DHDH: variants seen among roughly 807,000 people sequenced by gnomAD.
The protein encoded by DHDH is dihydrodiol dehydrogenase.
In DHDH, 29 loss-of-function variants were observed where a neutral mutation model predicts 33.2. The ratio of observed to expected loss-of-function variants is 0.87; its 90% CI spans 0.65 to 1.19. The LOEUF is 1.19. Among genes scored for constraint, DHDH ranks in the 50% most tolerant of loss-of-function variants. DHDH has a pLI of 0.00. For missense variants in DHDH, 431 were observed against 455.0 expected, an observed-to-expected ratio of 0.95 and a Z score of 0.48; for synonymous variants, 201 against 187.9, an observed-to-expected ratio of 1.07 and a Z score of -0.57.
chr19:48,944,903 T>TG lies in DHDH; in HGVS notation c.977dup (p.Val327SerfsTer?). 1 of 1,614,116 alleles carries TG rather than the reference T, an allele frequency of 6.2e-7. No individual in the cohort carries two copies. Among genetic ancestry groups the TG allele is most frequent in the South Asian group, 1.1e-5 (1 of 91,072 alleles). On this transcript the variant is annotated frameshift_variant, in exon 7 of 7. Transcript: ENST00000221403. LOFTEE classifies it high-confidence loss of function. Reference sequence around the variant, plus strand: ...TCCTTGAAGAGGTGAGGAAGGCCATTGGAGTCACCTTCCCCCAAGACAAAC... The same window carrying TG: ...TCCTTGAAGAGGTGAGGAAGGCCATTGGGAGTCACCTTCCCCCAAGACAAAC...
rs1197851420 is a variant in DHDH at position 48,944,405 on chromosome 19, C to T, written c.793C>T (p.His265Tyr). The T allele has an allele frequency of 5.0e-6, 8 of 1,614,040 alleles. No homozygotes were observed. Among genetic ancestry groups the T allele is most frequent in the South Asian group, 3.3e-5 (3 of 91,090 alleles). The change falls in exon 6 of 7, where the codon CAT (histidine) becomes TAT (tyrosine). Residue 265 changes from histidine (H) to tyrosine (Y), a missense_variant. Physicochemically the swap from His to Tyr is moderately conservative, Grantham distance 83. Transcript: ENST00000221403. ...CPTELVVKGE[H>Y]KEFPLPPVPK... ...GACCGAGCTGGTGGTGAAGGGGGAG[C>T]ATAAGGAGTTCCCGCTGCCCCCAGT... is the stretch of plus-strand genomic sequence containing the variant.
Position 48,933,766 on chromosome 19 carries a change from C to A in DHDH, c.45C>A (p.Ser15Arg), listed in dbSNP as rs764318339. 3 of 1,613,030 alleles carry A rather than the reference C, an allele frequency of 1.9e-6. No homozygotes were observed. The highest frequency in any genetic ancestry group is 2.5e-6 in the Non-Finnish European group (3 of 1,180,016). ...WGIVSVGLISSDFTAVLQTLP... is the reference protein window; with the variant it reads ...WGIVSVGLISRDFTAVLQTLP... ...TCGTGTCTGTCGGCCTCATCTCCAG[C>A]GACTTCACAGCCGTGCTGCAGACGC... Residue 15 changes from serine (S) to arginine (R), a missense_variant, in exon 1 of 7, where the codon AGC (serine) becomes AGA (arginine). Coordinates refer to ENST00000221403, the MANE Select transcript of DHDH (RefSeq NM_014475.4).
chr19:48,933,197 T>G (rs1484067659), upstream of DHDH, among the ~76,000 whole-genome samples: 1 of 151,984 alleles, frequency 6.6e-6, no homozygotes, highest in Non-Finnish European at 1.5e-5. Flanking sequence ...GGGGAGAAAT[T>G]AGGAACGAAG....
chr19:48,937,761 A>G (rs1328646125), intron 3 of DHDH, among the ~76,000 whole-genome samples: 4 of 150,906 alleles, frequency 2.7e-5, no homozygotes, highest in South Asian at 2.1e-4. Flanking sequence ...GCAGTGAGCT[A>G]AGATCCCGAC....
Position 48,935,056 on chromosome 19 carries a change from C to T in DHDH, c.147C>T (p.His49=). 6.3e-7 allele frequency: 1 copy of T among 1,594,000 alleles called. No individual in the cohort carries two copies. The highest frequency in any genetic ancestry group is 2.3e-5 in the East Asian group (1 of 44,018). The stretch of plus-strand genomic sequence containing the variant: ...GTGCGAAGGAGTTTGCACAGAAACA[C>T]GACATCCCCAAGGCCTACGGCTCCT... ...LSRAKEFAQK[H]DIPKAYGSYE... Residue 49 remains histidine, a synonymous_variant, in exon 2 of 7, where the codon CAC becomes CAT. Transcript: ENST00000221403.
At chr19:48,944,566 C>T (rs1352399696) in intron 6 of DHDH, 59 bp downstream of exon 6, 2 of 1,541,248 alleles carry the variant, frequency 1.3e-6, no homozygotes, top group Admixed American at 1.9e-5. Context: ...GGGCCCCTCC[C>T]CACCTGCTCT....
Position 48,944,938 on chromosome 19 carries a change from TC to T in DHDH, c.*9del, listed in dbSNP as rs2037921153. ...TTCCCCCAAGACAAACGCTGATGTA[TC>T]CCCGAATAAATAAAGACATCTTACA... On this transcript the variant is annotated 3_prime_UTR_variant, in exon 7 of 7. Transcript: ENST00000221403. The T allele has an allele frequency of 6.2e-7, 1 of 1,612,040 alleles. No homozygotes were observed. Among genetic ancestry groups the T allele is most frequent in the African/African-American group, 1.3e-5 (1 of 74,852 alleles).
intron 5 of DHDH, 75 bp downstream of exon 5, chr19:48,942,639 G>A (rs1033262443): frequency 4.5e-6 from 7 of 1,541,678 alleles, no homozygotes; most frequent in African/African-American, 2.7e-5. Context: ...TCTGGAGCTA[G>A]ATGAGAGCTT....
chr19:48,935,383 TG>T (rs1296235809), intron 2 of DHDH, among the ~76,000 whole-genome samples: 1 of 152,184 alleles, frequency 6.6e-6, no homozygotes, highest in Non-Finnish European at 1.5e-5. Context: ...TAGCCAGGTA[TG>T]GTGGCACGCA....
intron 4 of DHDH, among the ~76,000 whole-genome samples, chr19:48,941,765 C>G (rs1216949994): frequency 1.3e-5 from 2 of 151,594 alleles, no homozygotes; most frequent in Non-Finnish European, 2.9e-5. Flanking sequence ...CCTTGACCTC[C>G]CAGGCTCCAG....
intron 2 of DHDH, 44 bp downstream of exon 2, chr19:48,935,155 GC>G (rs1293472452): frequency 3.4e-6 from 5 of 1,472,800 alleles, no homozygotes; most frequent in Non-Finnish European, 4.5e-6. Flanking sequence ...CGCCCCTGGA[GC>G]GGTGCCCCCT....
intron 1 of DHDH, among the ~76,000 whole-genome samples, chr19:48,934,455 G>A (rs2037744166): frequency 6.6e-6 from 1 of 152,154 alleles, no homozygotes; most frequent in African/African-American, 2.4e-5. Context: ...TAAGAGGAAG[G>A]CTTCTGTCTC....
intron 4 of DHDH, among the ~76,000 whole-genome samples, chr19:48,942,170 A>G (rs1008552967): frequency 6.6e-6 from 1 of 151,820 alleles, no homozygotes; most frequent in Non-Finnish European, 1.5e-5. Flanking sequence ...ACGCCTGGCT[A>G]ATTTTTTGTA....
intron 4 of DHDH, among the ~76,000 whole-genome samples, chr19:48,940,894 C>A (rs1220604194): frequency 6.6e-6 from 1 of 151,724 alleles, no homozygotes; most frequent in Non-Finnish European, 1.5e-5. Flanking sequence ...ATTGCCCAGG[C>A]AGGTCTCGAA....
chr19:48,939,093 G>C (rs2037820209), intron 3 of DHDH, among the ~76,000 whole-genome samples: 1 of 152,052 alleles, frequency 6.6e-6, no homozygotes, highest in African/African-American at 2.4e-5. Flanking sequence ...GAGGGAGAGA[G>C]ACACAATTCA....
rs774108388 is a variant in DHDH, at chr19:48,936,210, G to A, written c.366+15G>A. On this transcript the variant is annotated intron_variant, in intron 3 of 6. Transcript: ENST00000221403. ...TCCTTATGGAGGTGAGGGCAGAGGA[G>A]CCCTTCCAATATCCAGCGTAAAAGT... 141 of 1,565,644 alleles carry A rather than the reference G, an allele frequency of 9.0e-5. No individual in the cohort carries two copies. Among genetic ancestry groups the A allele is most frequent in the Non-Finnish European group, 1.1e-4 (130 of 1,157,690 alleles).
rs550597743 is a variant in DHDH at position 48,937,949 on chromosome 19, C to A, written c.367-1500C>A. On this transcript the variant is annotated intron_variant, in intron 3 of 6. Transcript: ENST00000221403. ...AGCTTCCGTCTCCCCTGGAATGTCA[C>A]CTCCTCAGGGTGTCACCGTCCCGGC... Among the ~76,000 whole-genome samples the A allele has an allele frequency of 4.2e-4, 64 of 152,200 alleles. No homozygotes were observed. The East Asian group carries it at 0.012, about 28-fold the overall frequency.
chr19:48,935,745 A>T (rs1021063182), intron 2 of DHDH, among the ~76,000 whole-genome samples: 45 of 151,648 alleles, frequency 3.0e-4, no homozygotes, highest in African/African-American at 1.0e-3. Flanking sequence ...TGAACCTGGG[A>T]GGTGGAGCTT....
Position 48,944,521 on chromosome 19 carries a change from T to G in DHDH, c.895+14T>G. 6.3e-7 allele frequency: 1 copy of G among 1,582,562 alleles called. No individual in the cohort carries two copies. Among genetic ancestry groups the G allele is most frequent in the African/African-American group, 1.3e-5 (1 of 74,444 alleles). ...GCCTACGCAAGGGTAAGGATATGGA[T>G]GCGGGGCAGGCGCCAGGCCTGGTAG... is the stretch of plus-strand genomic sequence containing the variant. On this transcript the variant is annotated intron_variant, in intron 6 of 6. Coordinates refer to ENST00000221403, the MANE Select transcript of DHDH (RefSeq NM_014475.4).
Sources: allele counts gnomAD v4.1 joint callset (sites outside exome capture counted in the v4.1 genomes callset), GRCh38; gene constraint gnomAD v4.1.1; transcripts MANE v1.5; gene names NCBI Gene and HGNC (gene_info 2026-07-23, HGNC 2026-07-21).